FBXL17: variants seen among roughly 807,000 people sequenced by gnomAD.
The protein encoded by FBXL17 is F-box/LRR-repeat protein 17.
FBXL17 carries 22 observed loss-of-function variants against 66.2 expected under a neutral mutation model. The ratio of observed to expected loss-of-function variants is 0.33; its 90% CI spans 0.24 to 0.47. FBXL17 has a LOEUF of 0.47. FBXL17 is among the 20% of genes least tolerant of loss of function. FBXL17 has a pLI of 1.00. For missense variants in FBXL17, 878 were observed against 948.2 expected, an observed-to-expected ratio of 0.93 and a Z score of 0.97; for synonymous variants, 474 against 400.5, an observed-to-expected ratio of 1.18 and a Z score of -2.19.
chr5:108,041,481 A>G (rs977588735), intron 6 of FBXL17, among the ~76,000 whole-genome samples: 5 of 152,156 alleles, frequency 3.3e-5, no homozygotes, highest in African/African-American at 1.2e-4. Flanking sequence ...CAGTGGCGCA[A>G]TCATAGCTCA....
chr5:108,373,725 G>T (rs895183693), intron 1 of FBXL17, among the ~76,000 whole-genome samples: 4 of 152,022 alleles, frequency 2.6e-5, no homozygotes, highest in Admixed American at 2.6e-4. Context: ...AGACCAGCCT[G>T]GGCAACATGG....
intron 6 of FBXL17, among the ~76,000 whole-genome samples, chr5:108,155,972 G>A (rs1205496000): frequency 6.6e-6 from 1 of 151,850 alleles, no homozygotes; most frequent in Non-Finnish European, 1.5e-5. Context: ...TAAATAAAAA[G>A]GCTACCTTTT....
intron 4 of FBXL17, among the ~76,000 whole-genome samples, chr5:108,267,851 G>C (rs1757109552): frequency 6.6e-6 from 1 of 152,058 alleles, no homozygotes; most frequent in African/African-American, 2.4e-5. Flanking sequence ...CATTTGAGCT[G>C]AGATCTGTCT....
chr5:108,361,906 G>C (rs1018659303), intron 3 of FBXL17, among the ~76,000 whole-genome samples: 1 of 152,148 alleles, frequency 6.6e-6, no homozygotes, highest in South Asian at 2.1e-4. Flanking sequence ...CTGGGAACTC[G>C]GACTGCTATC....
chr5:108,261,833 C>A (rs1254631778), intron 4 of FBXL17, among the ~76,000 whole-genome samples: 1 of 151,882 alleles, frequency 6.6e-6, no homozygotes, highest in Non-Finnish European at 1.5e-5. Flanking sequence ...GAAGAACAAG[C>A]AGCACAGAAA....
chr5:107,994,979 T>G (rs1580301808), intron 7 of FBXL17, among the ~76,000 whole-genome samples: 1 of 152,182 alleles, frequency 6.6e-6, no homozygotes, highest in Middle Eastern at 3.4e-3. Context: ...ACCCTCGGGG[T>G]AGGGTAATGA....
At chr5:108,238,525 T>G (rs560975008) in intron 4 of FBXL17, among the ~76,000 whole-genome samples, 1 of 152,280 alleles carries the variant, frequency 6.6e-6, no homozygotes, top group East Asian at 1.9e-4. Flanking sequence ...TTACTTATTT[T>G]GGGGGAACAG....
intron 7 of FBXL17, among the ~76,000 whole-genome samples, chr5:107,993,432 G>A (rs1328610569): frequency 3.3e-5 from 5 of 152,058 alleles, no homozygotes; most frequent in East Asian, 1.9e-4. Flanking sequence ...AAACCACCAC[G>A]TGCAAATATG....
intron 6 of FBXL17, among the ~76,000 whole-genome samples, chr5:108,176,438 A>C (rs1305350606): frequency 6.6e-6 from 1 of 152,186 alleles, no homozygotes; most frequent in African/African-American, 2.4e-5. Context: ...TATTTGTAGA[A>C]ATGTTCACTT....
At chr5:108,299,451 G>T (rs1758489877) in intron 4 of FBXL17, 1 of 940,268 alleles carries the variant, frequency 1.1e-6, no homozygotes, top group Non-Finnish European at 1.3e-6. Context: ...CTAGTTTATA[G>T]ATATAGAAAA....
At chr5:108,143,347 TCA>T (rs67696841) in intron 6 of FBXL17, among the ~76,000 whole-genome samples, 415 of 147,586 alleles carry the variant, frequency 2.8e-3, no homozygotes, top group African/African-American at 7.6e-3. Flanking sequence ...AACAGCATTC[TCA>T]CACACACACA....
intron 7 of FBXL17, among the ~76,000 whole-genome samples, chr5:108,011,134 A>G (rs1428565781): frequency 6.6e-6 from 1 of 152,196 alleles, no homozygotes; most frequent in African/African-American, 2.4e-5. Flanking sequence ...TCTAAATAGG[A>G]AAGTTGGGAC....
intron 7 of FBXL17, among the ~76,000 whole-genome samples, chr5:108,011,276 A>G (rs982901336): frequency 2.0e-5 from 3 of 152,220 alleles, no homozygotes; most frequent in African/African-American, 7.2e-5. Flanking sequence ...AAGAGCAGGT[A>G]AAACCATAAG....
intron 6 of FBXL17, among the ~76,000 whole-genome samples, chr5:108,029,616 T>G (rs1045605830): frequency 1.3e-5 from 2 of 152,134 alleles, no homozygotes; most frequent in Non-Finnish European, 2.9e-5. Flanking sequence ...TGCAGAGAGA[T>G]AACTTTTTAC....
In FBXL17 at chr5:108,204,937, G is replaced by A. The variant is rs528724264; in HGVS notation, c.1615-18690C>T. ...CATTTTTTTTTCTTTCAGAAACAGG[G>A]TCACATTCTGTTGCCCAAGCTGGAG... is the stretch of plus-strand genomic sequence containing the variant. On this transcript the variant is annotated intron_variant, in intron 5 of 8. Transcript: ENST00000542267. 2.0e-5 allele frequency among the ~76,000 whole-genome samples: 3 copies of A among 151,934 alleles called. No individual in the cohort carries two copies. In the South Asian group the frequency reaches 6.3e-4, roughly 32 times the overall value.
At chr5:108,204,694 A>G (rs1021364052) in intron 5 of FBXL17, among the ~76,000 whole-genome samples, 1 of 152,198 alleles carries the variant, frequency 6.6e-6, no homozygotes, top group Admixed American at 6.5e-5. Context: ...ATGTTAATAC[A>G]TATTATCCTA....
At chr5:107,963,979 C>A (rs1014909242) in intron 7 of FBXL17, among the ~76,000 whole-genome samples, 3 of 152,126 alleles carry the variant, frequency 2.0e-5, no homozygotes, top group African/African-American at 7.2e-5. Context: ...TTTACCAGTA[C>A]AATGGAGACC....
chr5:108,018,956 G>C (rs978400769), intron 7 of FBXL17, among the ~76,000 whole-genome samples: 3 of 152,092 alleles, frequency 2.0e-5, no homozygotes, highest in Admixed American at 2.0e-4. Flanking sequence ...GTGCAGACAG[G>C]GTTGAGAAAC....
At chr5:108,236,159 T>G (rs2150092900) in intron 4 of FBXL17, among the ~76,000 whole-genome samples, 1 of 152,034 alleles carries the variant, frequency 6.6e-6, no homozygotes, top group Middle Eastern at 3.4e-3. Context: ...GCAGTGAGCT[T>G]GGACCATACT....
Sources: gnomAD v4.1 joint callset for allele counts (sites outside exome capture counted in the v4.1 genomes callset) on GRCh38, gnomAD v4.1.1 for gene constraint, MANE v1.5 for transcripts, NCBI Gene and HGNC (gene_info 2026-07-23, HGNC 2026-07-21) for gene names.